The following MICU1 variants were observed in gnomAD, a reference collection of about 807,000 sequenced individuals.
MICU1 encodes the protein calcium uptake protein 1, mitochondrial.
Under a neutral mutation model 56.8 loss-of-function variants are expected in MICU1, and 45 were observed. The observed-to-expected ratio is 0.79, with a 90% CI of 0.62 to 1.02. The LOEUF is 1.02. Among genes scored for constraint, MICU1 ranks in the 50% least tolerant of loss-of-function variants. MICU1 has a pLI of 0.00. For synonymous variants in MICU1, 186 were observed against 195.1 expected (o/e 0.95, Z 0.39); for missense variants, 504 against 587.1 (o/e 0.86, Z 1.46).
At position 72,392,773 on chromosome 10, in the gene MICU1, G is replaced by C. The variant is rs114212257; in HGVS notation, c.1180+15156C>G. ...TTGTTCTGTGGAGCAAGGAGGAGAG[G>C]CCTGTCATTCATGTAGAACTCAAAC... On this transcript the variant is annotated intron_variant, in intron 10 of 11. Transcript: ENST00000361114. 6.1e-3 allele frequency among the ~76,000 whole-genome samples: 932 copies of C among 152,308 alleles called. 7 individuals are homozygous for C. Among genetic ancestry groups the C allele is most frequent in the African/African-American group, 0.021 (887 of 41,546 alleles).
intron 10 of MICU1, among the ~76,000 whole-genome samples, chr10:72,382,643 T>A (rs753444931): frequency 7.2e-5 from 11 of 151,798 alleles, no homozygotes; most frequent in Non-Finnish European, 1.3e-4. Context: ...GTGTGGTGGC[T>A]CACGCCTGTA....
intron 11 of MICU1, among the ~76,000 whole-genome samples, chr10:72,374,608 A>G (rs1386638339): frequency 6.6e-6 from 1 of 152,080 alleles, no homozygotes; most frequent in African/African-American, 2.4e-5. Flanking sequence ...CCCAGAAGTG[A>G]TTCTTATGCT....
intron 10 of MICU1, among the ~76,000 whole-genome samples, chr10:72,377,246 A>G (rs1234926051): frequency 6.6e-6 from 1 of 152,052 alleles, no homozygotes; most frequent in Non-Finnish European, 1.5e-5. Context: ...CAGCCTCCCA[A>G]GTAGCTGGGA....
intron 1 of MICU1, among the ~76,000 whole-genome samples, chr10:72,623,497 T>C (rs1429637655): frequency 2.6e-5 from 4 of 152,076 alleles, no homozygotes; most frequent in Non-Finnish European, 5.9e-5. Flanking sequence ...ATCCCAGAAC[T>C]TTGGGAGGCC....
Position 72,551,412 on chromosome 10 carries a change from C to T in MICU1, c.331-71G>A, listed in dbSNP as rs1370203583. 6 of 1,023,856 alleles carry T rather than the reference C, an allele frequency of 5.9e-6. No homozygotes were observed. The African/African-American group carries it at 6.6e-5, about 11-fold the overall frequency. The allele number at this position is 1,023,856 out of a possible 1,614,324, so 63.4% of individuals were successfully genotyped here. A position where few individuals can be genotyped will look rare whatever the true frequency, so the allele number is the denominator to read the frequency against. On this transcript the variant is annotated intron_variant, in intron 3 of 11. Coordinates refer to ENST00000361114, the MANE Select transcript of MICU1 (RefSeq NM_001195518.2). ...ATATGCTCATATATTCTTATCATCA[C>T]TGCTCATCAATTCTCATATATTTTC...
At chr10:72,552,081 T>C (rs1430059721) in intron 3 of MICU1, among the ~76,000 whole-genome samples, 1 of 152,214 alleles carries the variant, frequency 6.6e-6, no homozygotes, top group Non-Finnish European at 1.5e-5. Context: ...AATGATGGCA[T>C]AGAAAAATAA....
intron 4 of MICU1, among the ~76,000 whole-genome samples, chr10:72,536,623 T>A (rs1436610453): frequency 6.6e-6 from 1 of 152,112 alleles, no homozygotes; most frequent in African/African-American, 2.4e-5. Flanking sequence ...AGTGCTGGGA[T>A]AAAAGGCGTG....
At chr10:72,369,853 C>G (rs1018284224) in intron 11 of MICU1, among the ~76,000 whole-genome samples, 1 of 151,662 alleles carries the variant, frequency 6.6e-6, no homozygotes, top group Non-Finnish European at 1.5e-5. Context: ...CAACTAGAGG[C>G]GCATGCCACC....
intron 8 of MICU1, among the ~76,000 whole-genome samples, chr10:72,429,449 A>G (rs1270024419): frequency 2.0e-5 from 3 of 151,714 alleles, no homozygotes; most frequent in Non-Finnish European, 2.9e-5. Flanking sequence ...AAAAAATTCA[A>G]TAAATGTAGC....
chr10:72,484,464 G>A (rs1344850561), intron 6 of MICU1, among the ~76,000 whole-genome samples: 2 of 151,490 alleles, frequency 1.3e-5, no homozygotes, highest in Non-Finnish European at 2.9e-5. Context: ...TTATCAGGAA[G>A]AAGAAAGTAT....
intron 9 of MICU1, among the ~76,000 whole-genome samples, chr10:72,412,214 C>T (rs1863838575): frequency 6.6e-6 from 1 of 152,042 alleles, no homozygotes; most frequent in Non-Finnish European, 1.5e-5. Flanking sequence ...AGCTTTGTGG[C>T]TGGAAAGATG....
At chr10:72,371,962 G>A (rs1009654371) in intron 11 of MICU1, among the ~76,000 whole-genome samples, 1 of 151,406 alleles carries the variant, frequency 6.6e-6, no homozygotes, top group South Asian at 2.1e-4. Context: ...AGGCTGAAGT[G>A]GGAGAATTGC....
At chr10:72,471,955 G>T (rs1865965460) in intron 8 of MICU1, among the ~76,000 whole-genome samples, 2 of 130,970 alleles carry the variant, frequency 1.5e-5, no homozygotes, top group South Asian at 2.3e-4. Flanking sequence ...TGTATTTGTT[G>T]TAACATATCT....
intron 5 of MICU1, among the ~76,000 whole-genome samples, chr10:72,532,600 C>G (rs1336495069): frequency 6.6e-6 from 1 of 152,062 alleles, no homozygotes; most frequent in African/African-American, 2.4e-5. Flanking sequence ...AGCAGAGACA[C>G]CAAGGATCAG....
At chr10:72,477,363 T>C (rs1866156612) in intron 6 of MICU1, 107 bp from the exon 7 acceptor site, 2 of 1,163,736 alleles carry the variant, frequency 1.7e-6, no homozygotes. Flanking sequence ...AAAGTCACCA[T>C]AAAAGTGACT....
intron 4 of MICU1, among the ~76,000 whole-genome samples, chr10:72,538,813 A>T (rs940912416): frequency 1.3e-5 from 2 of 152,006 alleles, no homozygotes; most frequent in East Asian, 1.9e-4. Context: ...GGCTGAATAA[A>T]TTTTTTTTAA....
intron 8 of MICU1, among the ~76,000 whole-genome samples, chr10:72,425,260 C>G (rs1311198130): frequency 6.6e-6 from 1 of 152,234 alleles, no homozygotes; most frequent in East Asian, 1.9e-4. Flanking sequence ...GGAGGTTTCA[C>G]AGCTGTGGGG....
At chr10:72,400,359 T>C (rs1863411026) in intron 10 of MICU1, among the ~76,000 whole-genome samples, 1 of 152,222 alleles carries the variant, frequency 6.6e-6, no homozygotes, top group Admixed American at 6.5e-5. Context: ...CCTATATAAT[T>C]GTTCTTTAAT....
chr10:72,507,710 ATC>A (rs1867302059), intron 6 of MICU1, among the ~76,000 whole-genome samples: 1 of 151,950 alleles, frequency 6.6e-6, no homozygotes, highest in Non-Finnish European at 1.5e-5. Context: ...TGGTGGCCTC[ATC>A]TCAGCTCACT....
Sources: gnomAD v4.1 joint callset for allele counts (sites outside exome capture counted in the v4.1 genomes callset) on GRCh38, gnomAD v4.1.1 for gene constraint, MANE v1.5 for transcripts, NCBI Gene and HGNC (gene_info 2026-07-23, HGNC 2026-07-21) for gene names.